The following ADGRG7 variants were observed in gnomAD, a reference collection of about 807,000 sequenced individuals.
The protein encoded by ADGRG7 is G-protein coupled receptor 128.
ADGRG7 carries 82 observed loss-of-function variants against 88.6 expected under a neutral mutation model. That is an observed-to-expected ratio of 0.93 (90% confidence interval 0.77 to 1.11). The LOEUF is 1.11. Among genes scored for constraint, ADGRG7 ranks in the 50% most tolerant of loss-of-function variants. The pLI, the probability that ADGRG7 is intolerant of heterozygous loss-of-function variation, is 0.00. For synonymous variants in ADGRG7, 381 were observed against 345.2 expected (o/e 1.10, Z -1.15); for missense variants, 945 against 953.4 (o/e 0.99, Z 0.12).
At chr3:100,612,786 A>G (rs1168787046) in intron 1 of ADGRG7, among the ~76,000 whole-genome samples, 2 of 152,136 alleles carry the variant, frequency 1.3e-5, no homozygotes, top group South Asian at 2.1e-4. Flanking sequence ...TTCATTCTCT[A>G]TCACAGGATA....
chr3:100,635,099 C>T (rs961596236), intron 4 of ADGRG7, among the ~76,000 whole-genome samples: 1 of 152,024 alleles, frequency 6.6e-6, no homozygotes, highest in Non-Finnish European at 1.5e-5. Flanking sequence ...ATGTTTTAGC[C>T]TCACAACACA....
chr3:100,684,099 C>A (rs571399555), intron 15 of ADGRG7, among the ~76,000 whole-genome samples: 1 of 152,114 alleles, frequency 6.6e-6, no homozygotes, highest in South Asian at 2.1e-4. Context: ...AGCAGTGTAC[C>A]AACTTCTAGT....
At chr3:100,617,396 T>A (rs1194933734) in intron 1 of ADGRG7, among the ~76,000 whole-genome samples, 1 of 122,106 alleles carries the variant, frequency 8.2e-6, no homozygotes, top group Non-Finnish European at 1.6e-5. Context: ...CAGGCCCTGG[T>A]GTGTGATGTT....
intron 15 of ADGRG7, among the ~76,000 whole-genome samples, chr3:100,680,325 T>C (rs2094971343): frequency 6.6e-6 from 1 of 152,214 alleles, no homozygotes. Context: ...TTTTCATCCA[T>C]TTGATCTCAA....
chr3:100,678,389 T>A (rs955368356), intron 15 of ADGRG7, among the ~76,000 whole-genome samples: 2 of 152,206 alleles, frequency 1.3e-5, no homozygotes, highest in African/African-American at 4.8e-5. Context: ...GAATTCTCTG[T>A]CTGAAAGGTG....
At chr3:100,621,749 A>G (rs1240104562) in intron 1 of ADGRG7, among the ~76,000 whole-genome samples, 1 of 152,258 alleles carries the variant, frequency 6.6e-6, no homozygotes, top group Non-Finnish European at 1.5e-5. Context: ...GACTACACTA[A>G]ACAACAGATT....
intron 15 of ADGRG7, among the ~76,000 whole-genome samples, chr3:100,682,981 G>T (rs1439262176): frequency 6.6e-6 from 1 of 152,138 alleles, no homozygotes; most frequent in Non-Finnish European, 1.5e-5. Context: ...AGGGTCCGTG[G>T]TGAAGCCCCA....
intron 15 of ADGRG7, among the ~76,000 whole-genome samples, chr3:100,688,939 T>G (rs936637319): frequency 3.9e-5 from 6 of 152,232 alleles, no homozygotes; most frequent in African/African-American, 1.2e-4. Flanking sequence ...CCTTGTTAAC[T>G]TTCTGTCTTG....
At chr3:100,619,846 A>C (rs1453363078) in intron 1 of ADGRG7, among the ~76,000 whole-genome samples, 1 of 152,222 alleles carries the variant, frequency 6.6e-6, no homozygotes, top group Admixed American at 6.5e-5. Context: ...CACTCTCCCA[A>C]GACTAAACCA....
intron 1 of ADGRG7, among the ~76,000 whole-genome samples, chr3:100,625,547 A>G (rs2149015177): frequency 6.6e-6 from 1 of 152,330 alleles, no homozygotes; most frequent in African/African-American, 2.4e-5. Flanking sequence ...TGCCCTGGCC[A>G]GAACTTCCAA....
intron 4 of ADGRG7, among the ~76,000 whole-genome samples, chr3:100,634,244 C>T (rs757666986): frequency 1.3e-5 from 2 of 152,322 alleles, no homozygotes; most frequent in East Asian, 1.9e-4. Flanking sequence ...CCTTTATGTA[C>T]AGCCTTTCAT....
chr3:100,615,775 G>A (rs904280828), intron 1 of ADGRG7, among the ~76,000 whole-genome samples: 6 of 152,156 alleles, frequency 3.9e-5, no homozygotes, highest in African/African-American at 1.4e-4. Context: ...CAGAAATAAA[G>A]AGTAAAGTCA....
intron 1 of ADGRG7, among the ~76,000 whole-genome samples, chr3:100,615,252 A>T (rs184868606): frequency 1.3e-5 from 2 of 152,356 alleles, no homozygotes; most frequent in Admixed American, 6.5e-5. Context: ...TTTCAAGATC[A>T]TAATTCTAAA....
At chr3:100,688,094 G>A (rs973455396) in intron 15 of ADGRG7, among the ~76,000 whole-genome samples, 151 of 152,192 alleles carry the variant, frequency 9.9e-4, no homozygotes, top group Middle Eastern at 6.8e-3. Flanking sequence ...CTTCTTCCTG[G>A]TTTAGTCTTG....
intron 14 of ADGRG7, among the ~76,000 whole-genome samples, chr3:100,662,234 C>T (rs568298289): frequency 3.3e-5 from 5 of 151,984 alleles, no homozygotes; most frequent in South Asian, 2.1e-4. Flanking sequence ...AAGTGTCAGA[C>T]GAGGATACAG....
At chr3:100,631,459 A>C (rs1373176354) in intron 3 of ADGRG7, among the ~76,000 whole-genome samples, 1 of 152,154 alleles carries the variant, frequency 6.6e-6, no homozygotes, top group Non-Finnish European at 1.5e-5. Context: ...GAATTCCTAG[A>C]TTCTATCCTG....
intron 10 of ADGRG7, 138 bp from the exon 11 acceptor site, chr3:100,649,557 T>G: frequency 1.9e-6 from 1 of 533,870 alleles, no homozygotes; most frequent in Non-Finnish European, 3.3e-6. Flanking sequence ...CGCTTTTAAA[T>G]ATATCATGAG....
chr3:100,629,894 A>G (rs1191255183), intron 2 of ADGRG7, among the ~76,000 whole-genome samples, 183 bp downstream of exon 2: 1 of 152,144 alleles, frequency 6.6e-6, no homozygotes, highest in African/African-American at 2.4e-5. Context: ...TGGCCAATTT[A>G]TCAGTATATT....
At chr3:100,637,873 A>T (rs964403973) in intron 6 of ADGRG7, among the ~76,000 whole-genome samples, 3 of 152,114 alleles carry the variant, frequency 2.0e-5, no homozygotes, top group Non-Finnish European at 4.4e-5. Flanking sequence ...CCTTCGTGGG[A>T]CTTGTGATAG....
Sources: allele counts gnomAD v4.1 joint callset (sites outside exome capture counted in the v4.1 genomes callset), GRCh38; gene constraint gnomAD v4.1.1; transcripts MANE v1.5; gene names NCBI Gene and HGNC (gene_info 2026-07-23, HGNC 2026-07-21).